LPAR1: variants seen among roughly 807,000 people sequenced by gnomAD.
LPAR1 encodes the protein LPA receptor 1.
Under a neutral mutation model 23.8 loss-of-function variants are expected in LPAR1, and 5 were observed. The observed-to-expected ratio is 0.21, with a 90% CI of 0.11 to 0.44. The LOEUF is 0.44. LPAR1 is among the 20% of genes least tolerant of loss of function. LPAR1 has a pLI of 0.99. For missense variants in LPAR1, 311 were observed against 482.8 expected (o/e 0.64, Z 3.33); for synonymous variants, 160 against 164.7 (o/e 0.97, Z 0.22).
chr9:110,889,640 A>G (rs937189688), intron 5 of LPAR1, among the ~76,000 whole-genome samples: 3 of 152,216 alleles, frequency 2.0e-5, no homozygotes, highest in Non-Finnish European at 4.4e-5. Flanking sequence ...GTAAAATTGT[A>G]ATTGAGTTTA....
chr9:110,944,226 G>C (rs985190694), intron 4 of LPAR1, among the ~76,000 whole-genome samples: 4 of 152,052 alleles, frequency 2.6e-5, no homozygotes, highest in African/African-American at 9.7e-5. Flanking sequence ...GCTGGTCCAG[G>C]GAATCACTGT....
intron 5 of LPAR1, among the ~76,000 whole-genome samples, chr9:110,895,464 G>A (rs547063656): frequency 4.6e-5 from 7 of 152,260 alleles, no homozygotes; most frequent in Admixed American, 2.6e-4. Flanking sequence ...GCCTAAGGCA[G>A]AGGCCAGATC....
intron 5 of LPAR1, among the ~76,000 whole-genome samples, chr9:110,904,161 G>C (rs927527962): frequency 1.3e-5 from 2 of 152,054 alleles, no homozygotes; most frequent in African/African-American, 4.8e-5. Flanking sequence ...GCTAAAATAA[G>C]TTTTTTGAAC....
intron 2 of LPAR1, among the ~76,000 whole-genome samples, chr9:111,029,860 G>A (rs904104513): frequency 1.3e-5 from 2 of 151,734 alleles, no homozygotes; most frequent in African/African-American, 4.8e-5. Context: ...AGACCAGCCT[G>A]GCCAACACAG....
intron 2 of LPAR1, among the ~76,000 whole-genome samples, chr9:110,984,491 G>T (rs565811068): frequency 6.6e-6 from 1 of 151,946 alleles, no homozygotes; most frequent in East Asian, 1.9e-4. Context: ...TGGACACTTA[G>T]GCTGCTTCCA....
chr9:110,975,605 G>A (rs1358165632), intron 2 of LPAR1, among the ~76,000 whole-genome samples: 1 of 152,182 alleles, frequency 6.6e-6, no homozygotes, highest in Admixed American at 6.5e-5. Context: ...GAAAGCACAT[G>A]GAATCTTTAA....
chr9:111,030,360 C>T (rs1358249115), intron 2 of LPAR1, among the ~76,000 whole-genome samples: 3 of 152,174 alleles, frequency 2.0e-5, no homozygotes, highest in African/African-American at 7.2e-5. Flanking sequence ...AAAGCATCCC[C>T]TTAACAAAAG....
intron 2 of LPAR1, among the ~76,000 whole-genome samples, chr9:110,983,775 A>C (rs1190213478): frequency 2.6e-5 from 4 of 152,052 alleles, no homozygotes; most frequent in Non-Finnish European, 5.9e-5. Context: ...AAAAAAATCA[A>C]ATGGGGAAAA....
At chr9:110,979,554 A>G (rs772961391) in intron 2 of LPAR1, among the ~76,000 whole-genome samples, 13 of 152,166 alleles carry the variant, frequency 8.5e-5, no homozygotes, top group Non-Finnish European at 1.8e-4. Flanking sequence ...AGCATCTGTC[A>G]TCATGAGTTG....
chr9:110,911,642 A>G (rs1361487677), intron 5 of LPAR1, among the ~76,000 whole-genome samples: 2 of 152,230 alleles, frequency 1.3e-5, no homozygotes, highest in African/African-American at 4.8e-5. Context: ...TTATGACTTA[A>G]GGCTCAGATG....
chr9:111,029,521 T>A (rs968604102), intron 2 of LPAR1, among the ~76,000 whole-genome samples: 5 of 152,014 alleles, frequency 3.3e-5, no homozygotes, highest in African/African-American at 1.2e-4. Context: ...TCATTACTCT[T>A]CTGCATGGAA....
At chr9:110,999,433 A>G in intron 2 of LPAR1, 1 of 456,152 alleles carries the variant, frequency 2.2e-6, no homozygotes, top group South Asian at 1.5e-5. Context: ...AATGAGTAGC[A>G]GCAGCATCCC....
chr9:110,909,335 C>T (rs543976942), intron 5 of LPAR1, among the ~76,000 whole-genome samples: 1 of 151,786 alleles, frequency 6.6e-6, no homozygotes, highest in Non-Finnish European at 1.5e-5. Flanking sequence ...GATCCTAGCA[C>T]CTTCTTGTAC....
intron 4 of LPAR1, among the ~76,000 whole-genome samples, chr9:110,968,276 T>C (rs1415218762): frequency 6.6e-6 from 1 of 152,200 alleles, no homozygotes; most frequent in Non-Finnish European, 1.5e-5. Context: ...TTCAAGCTGC[T>C]GGCATGAAGT....
chr9:111,023,926 TG>T (rs1226844103), intron 2 of LPAR1, among the ~76,000 whole-genome samples: 1 of 152,204 alleles, frequency 6.6e-6, no homozygotes, highest in Non-Finnish European at 1.5e-5. Flanking sequence ...TGAAAGCCAC[TG>T]AACTAAATGT....
At chr9:110,935,804 A>G (rs1451758073) in intron 5 of LPAR1, among the ~76,000 whole-genome samples, 1 of 152,220 alleles carries the variant, frequency 6.6e-6, no homozygotes. Context: ...TCTGCCTATA[A>G]GGAATTGGTG....
intron 2 of LPAR1, among the ~76,000 whole-genome samples, chr9:111,021,835 C>T (rs2097564817): frequency 1.3e-5 from 2 of 151,894 alleles, no homozygotes; most frequent in South Asian, 4.2e-4. Flanking sequence ...GGGGCAGACA[C>T]CTGTAATCCC....
At chr9:110,935,230 A>G (rs1056893596) in intron 5 of LPAR1, among the ~76,000 whole-genome samples, 6 of 152,128 alleles carry the variant, frequency 3.9e-5, no homozygotes, top group East Asian at 1.9e-4. Context: ...CAGTAAAAAT[A>G]GCACCTTAGT....
At chr9:110,925,989 C>T (rs772662186) in intron 5 of LPAR1, among the ~76,000 whole-genome samples, 3 of 152,106 alleles carry the variant, frequency 2.0e-5, no homozygotes, top group South Asian at 4.1e-4. Context: ...GGTGCGATCT[C>T]GGCTCACTGC....
Sources: gnomAD v4.1 joint callset for allele counts (sites outside exome capture counted in the v4.1 genomes callset) on GRCh38, gnomAD v4.1.1 for gene constraint, MANE v1.5 for transcripts, NCBI Gene and HGNC (gene_info 2026-07-23, HGNC 2026-07-21) for gene names.